The following POLR1C variants were observed in gnomAD, a reference collection of about 807,000 sequenced individuals.
POLR1C encodes DNA-directed RNA polymerases I and III subunit RPAC1.
A neutral mutation model predicts 38.3 loss-of-function variants in POLR1C; 42 were observed. The ratio of observed to expected loss-of-function variants is 1.10; its 90% CI spans 0.86 to 1.42. The LOEUF (loss-of-function observed/expected upper bound fraction) is 1.42, where lower values mean the gene tolerates loss of function less well. Among genes scored for constraint, POLR1C ranks in the 40% most tolerant of loss-of-function variants. POLR1C has a pLI of 0.00. For missense variants in POLR1C, 507 were observed against 450.5 expected (o/e 1.13, Z -1.14); for synonymous variants, 163 against 163.9 (o/e 0.99, Z 0.04).
chr6:43,549,640 G>A, intron 9 of POLR1C: 1 of 1,541,520 alleles, frequency 6.5e-7, no homozygotes, highest in Non-Finnish European at 8.8e-7. Context: ...GTGCTGCATA[G>A]ACTCATGTGA....
At chr6:43,544,710 C>T (rs533652248) in intron 9 of POLR1C, among the ~76,000 whole-genome samples, 3 of 152,118 alleles carry the variant, frequency 2.0e-5, no homozygotes, top group Admixed American at 1.3e-4. Context: ...CTCAGCTGTC[C>T]GAGACCAGCC....
downstream of POLR1C, among the ~76,000 whole-genome samples, chr6:43,530,211 C>T (rs890057366): frequency 6.6e-6 from 1 of 152,120 alleles, no homozygotes; most frequent in Non-Finnish European, 1.5e-5. Flanking sequence ...AAGACAAGAT[C>T]ATGCCACTGC....
chr6:43,555,774 CTATA>C (rs1762048455), intron 10 of POLR1C: 2 of 1,599,500 alleles, frequency 1.3e-6, no homozygotes, highest in African/African-American at 1.3e-5. Flanking sequence ...GGCTCATTTC[CTATA>C]TATAGTTTTG....
intron 7 of POLR1C, 31 bp from the exon 8 acceptor site, chr6:43,520,901 G>C (rs765709261): frequency 1.2e-5 from 19 of 1,609,456 alleles, no homozygotes; most frequent in Non-Finnish European, 1.6e-5. Flanking sequence ...ATTAGAAAAA[G>C]GAATAAAAAA....
chr6:43,555,690 A>ATTTTT, intron 10 of POLR1C: 1 of 947,568 alleles, frequency 1.1e-6, no homozygotes, highest in Non-Finnish European at 1.4e-6. Flanking sequence ...GCCAATGAAA[A>ATTTTT]CGCTCCCTCT....
At chr6:43,548,606 G>T in intron 9 of POLR1C, 1 of 676,570 alleles carries the variant, frequency 1.5e-6, no homozygotes, top group Non-Finnish European at 2.2e-6. Context: ...TCTGTTATAT[G>T]TCTTTATTTT....
chr6:43,547,930 C>G (rs1795040987), intron 9 of POLR1C, among the ~76,000 whole-genome samples: 2 of 152,146 alleles, frequency 1.3e-5, no homozygotes, highest in Admixed American at 1.3e-4. Context: ...AGAATATAAT[C>G]TTCAAAATAT....
At position 43,519,395 on chromosome 6, in the gene POLR1C, T is replaced by C. The variant is rs766981483; in HGVS notation, c.204T>C (p.Ile68=). The C allele has an allele frequency of 1.7e-5, 27 of 1,613,880 alleles. No individual in the cohort carries two copies. In the East Asian group the frequency reaches 4.2e-4, roughly 25 times the overall value. The change falls in exon 3 of 9, where the codon ATT becomes ATC. Residue 68 remains isoleucine (I), a synonymous_variant. Transcript: ENST00000642195. The stretch of plus-strand genomic sequence containing the variant: ...CACTGGAGTTTGACATGGTGGGAAT[T>C]GACGCAGCCATTGCCAATGCTTTTC... ...ENSLEFDMVG[I]DAAIANAFRR... is the part of the protein sequence containing the mutation.
rs1187745609 is a variant in POLR1C, at chr6:43,550,059, T to A, written c.*5-909T>A. ...GATTCTCCTGCTTTAGCCTTCTGAG[T>A]AGCTGGGACTACGGGCATGAGCTTA... On this transcript the variant is annotated intron_variant, in intron 9 of 10. Transcript: ENST00000607635. 6.3e-6 allele frequency: 6 copies of A among 958,672 alleles called. No homozygotes were observed. The African/African-American group carries it at 8.1e-5, about 13-fold the overall frequency. 59.4% of individuals were successfully genotyped at this position (958,672 alleles called of 1,614,324 possible).
Position 43,527,357 on chromosome 6 carries a change from C to T in POLR1C, c.923-1892C>T, listed in dbSNP as rs111601510. ...CGTGATTTCGGCTCACTGCAGCCTC[C>T]GCCTCCCGGGTTCAAGCGATTCTCC... On this transcript the variant is annotated intron_variant, in intron 8 of 8. Coordinates refer to the POLR1C transcript ENST00000304004. 0.02 allele frequency: 5,594 copies of T among 276,466 alleles called. 100 individuals carry two copies. Among genetic ancestry groups the T allele is most frequent in the South Asian group, 0.032 (685 of 21,646 alleles). The allele number at this position is 276,466 out of a possible 1,614,324, so 17.1% of individuals were successfully genotyped here.
exon 11 of POLR1C, chr6:43,561,998 T>C (rs374697627): frequency 2.1e-5 from 7 of 328,660 alleles, no homozygotes; most frequent in African/African-American, 4.3e-5. Context: ...GAAACCAACG[T>C]TGACTTTATG....
downstream of POLR1C, chr6:43,521,622 A>G (rs975104292): frequency 5.9e-5 from 25 of 422,576 alleles, no homozygotes; most frequent in Non-Finnish European, 1.0e-4. Flanking sequence ...CCTGGGTTCA[A>G]GCAATTCTCA....
chr6:43,519,843 G>C lies in POLR1C; in HGVS notation c.382+5G>C, dbSNP rs757588820. 1 of 1,613,630 alleles carries C rather than the reference G, an allele frequency of 6.2e-7. No homozygotes were observed. The highest frequency in any genetic ancestry group is 8.5e-7 in the Non-Finnish European group (1 of 1,179,726). ...TTTTTGAGTATCGGAACCAAGGTGA[G>C]AAAATGAAATTTTGGGAGAAGTGGA... On this transcript the variant is annotated splice_donor_5th_base_variant and intron_variant, in intron 4 of 8. Transcript: ENST00000642195.
At chr6:43,548,049 C>T (rs1326968677) in intron 9 of POLR1C, among the ~76,000 whole-genome samples, 1 of 152,148 alleles carries the variant, frequency 6.6e-6, no homozygotes, top group East Asian at 1.9e-4. Flanking sequence ...GCAATGCAGA[C>T]ACCACAGGAG....
rs114195696 is a variant in POLR1C at position 43,557,709 on chromosome 6, T to G, written c.*49-3691T>G. Among the ~76,000 whole-genome samples the G allele has an allele frequency of 7.8e-5, 10 of 128,112 alleles. No homozygotes were observed. The Admixed American group carries it at 8.4e-4, about 11-fold the overall frequency. The allele number at this position is 128,112 out of a possible 152,430, so 84.0% of individuals were successfully genotyped here. A position where few individuals can be genotyped will look rare whatever the true frequency, so the allele number is the denominator to read the frequency against. ...TGATGGCTGCACAACTCTGTAAAAA[T>G]ACTAAAAACCATTAAATTATATACT... On this transcript the variant is annotated intron_variant, in intron 10 of 10. Coordinates refer to the POLR1C transcript ENST00000607635.
intron 2 of POLR1C, among the ~76,000 whole-genome samples, chr6:43,518,930 T>G (rs1792991366): frequency 6.6e-6 from 1 of 152,212 alleles, no homozygotes; most frequent in African/African-American, 2.4e-5. Flanking sequence ...TCTGCCCGTC[T>G]CAGCCTCCCA....
downstream of POLR1C, chr6:43,525,279 C>T: frequency 2.1e-6 from 3 of 1,428,276 alleles, no homozygotes; most frequent in Non-Finnish European, 2.9e-6. Context: ...ATGATTATTA[C>T]ACATCAGGAG....
At chr6:43,533,966 A>G (rs1396343866), downstream of POLR1C, 1 of 1,606,656 alleles carries the variant, frequency 6.2e-7, no homozygotes, top group East Asian at 2.2e-5. Flanking sequence ...AGGCTCTGCC[A>G]TTTTGGCTAG....
downstream of POLR1C, chr6:43,525,925 T>C (rs746000543): frequency 2.5e-6 from 4 of 1,613,794 alleles, no homozygotes; most frequent in East Asian, 8.9e-5. Context: ...TCTTCATCTG[T>C]TATCAGAGAG....
Sources: gnomAD v4.1 joint callset for allele counts (sites outside exome capture counted in the v4.1 genomes callset) on GRCh38, gnomAD v4.1.1 for gene constraint, MANE v1.5 for transcripts, NCBI Gene and HGNC (gene_info 2026-07-23, HGNC 2026-07-21) for gene names.